CCSER1: variants seen among roughly 807,000 people sequenced by gnomAD.
CCSER1 encodes coiled-coil serine rich protein 1, also known as serine-rich coiled-coil domain-containing protein 1.
In CCSER1, 41 loss-of-function variants were observed where a neutral mutation model predicts 82.0. The ratio of observed to expected loss-of-function variants is 0.50; its 90% confidence interval spans 0.39 to 0.65. CCSER1 has a LOEUF of 0.65. Ranked by LOEUF, CCSER1 falls within the 30% of genes least tolerant of loss-of-function variation. CCSER1 has a pLI of 0.00. For missense variants in CCSER1, 1,119 were observed against 1,064.2 expected (o/e 1.05, Z -0.72); for synonymous variants, 414 against 383.9 (o/e 1.08, Z -0.92).
intron 9 of CCSER1, among the ~76,000 whole-genome samples, chr4:91,063,582 T>A (rs1372227278): frequency 6.6e-6 from 1 of 152,176 alleles, no homozygotes; most frequent in Non-Finnish European, 1.5e-5. Flanking sequence ...TTATCTTGAC[T>A]CATTTTCTTA....
chr4:90,621,954 A>G (rs1722401076), intron 5 of CCSER1, among the ~76,000 whole-genome samples: 1 of 152,214 alleles, frequency 6.6e-6, no homozygotes, highest in South Asian at 2.1e-4. Context: ...CCACAGTGGC[A>G]ATTTGTATAA....
intron 9 of CCSER1, among the ~76,000 whole-genome samples, chr4:91,023,856 G>T (rs953574192): frequency 6.6e-6 from 1 of 152,120 alleles, no homozygotes; most frequent in Non-Finnish European, 1.5e-5. Flanking sequence ...CCCACAAAAT[G>T]TTGCTGATAC....
chr4:90,754,213 CA>C (rs1191183780), intron 7 of CCSER1, among the ~76,000 whole-genome samples: 1 of 152,098 alleles, frequency 6.6e-6, no homozygotes, highest in Non-Finnish European at 1.5e-5. Context: ...ACTTATTCAT[CA>C]ATGTATCTTT....
At chr4:90,633,205 C>T (rs1170278677) in intron 6 of CCSER1, among the ~76,000 whole-genome samples, 1 of 152,020 alleles carries the variant, frequency 6.6e-6, no homozygotes, top group East Asian at 1.9e-4. Flanking sequence ...AAATGGATTT[C>T]ATTCTGTTTC....
At chr4:91,329,482 G>T (rs1318013385) in intron 10 of CCSER1, among the ~76,000 whole-genome samples, 3 of 152,146 alleles carry the variant, frequency 2.0e-5, no homozygotes, top group African/African-American at 7.2e-5. Context: ...AGTTTTATGG[G>T]TGTGTTAGTC....
At chr4:90,703,616 T>G (rs1336730592) in intron 6 of CCSER1, among the ~76,000 whole-genome samples, 1 of 152,150 alleles carries the variant, frequency 6.6e-6, no homozygotes, top group South Asian at 2.1e-4. Context: ...CTAAGTCTCT[T>G]TGTAGGTCTC....
At chr4:90,273,060 C>T (rs1297473297) in intron 1 of CCSER1, among the ~76,000 whole-genome samples, 1 of 151,866 alleles carries the variant, frequency 6.6e-6, no homozygotes, top group Non-Finnish European at 1.5e-5. Context: ...TCGTGTGTAG[C>T]AACATGGATG....
intron 10 of CCSER1, among the ~76,000 whole-genome samples, chr4:91,308,537 C>T (rs1745232616): frequency 6.6e-6 from 1 of 152,010 alleles, no homozygotes; most frequent in South Asian, 2.1e-4. Context: ...TGCTAAAGAA[C>T]AATGCCTGTT....
At chr4:91,211,618 A>G (rs150707665) in intron 10 of CCSER1, among the ~76,000 whole-genome samples, 183 of 152,234 alleles carry the variant, frequency 1.2e-3, no homozygotes, top group African/African-American at 4.3e-3. Flanking sequence ...GCAACATAGC[A>G]TAGTGGTTGG....
intron 5 of CCSER1, among the ~76,000 whole-genome samples, chr4:90,546,612 A>T (rs1048342862): frequency 6.6e-6 from 1 of 152,156 alleles, no homozygotes; most frequent in African/African-American, 2.4e-5. Context: ...TTCCTTATTT[A>T]TGACAAAATT....
At chr4:90,984,696 C>G (rs1172474520) in intron 9 of CCSER1, among the ~76,000 whole-genome samples, 1 of 151,598 alleles carries the variant, frequency 6.6e-6, no homozygotes, top group African/African-American at 2.4e-5. Context: ...ATACTAAGCA[C>G]TAGTTATTAA....
At chr4:90,430,851 A>C (rs1758176884) in intron 4 of CCSER1, among the ~76,000 whole-genome samples, 1 of 151,992 alleles carries the variant, frequency 6.6e-6, no homozygotes, top group Admixed American at 6.6e-5. Context: ...ATCTTTCTGT[A>C]ATGCTGGCTT....
rs140885037 is a variant in CCSER1 at position 90,971,401 on chromosome 4, C to A, written c.2172+47954C>A. On this transcript the variant is annotated intron_variant, in intron 9 of 10. Transcript: ENST00000509176. ...ACAAGAATAGCAAGGGAGAAATCCACCCCCATGGTCCAATCATCTTCCACC... is the reference window on the plus strand; with the variant it reads ...ACAAGAATAGCAAGGGAGAAATCCAACCCCATGGTCCAATCATCTTCCACC... 1.4e-3 allele frequency among the ~76,000 whole-genome samples: 220 copies of A among 152,004 alleles called. 1 individual carries two copies. Among genetic ancestry groups the A allele is most frequent in the Admixed American group, 7.3e-3 (111 of 15,242 alleles).
chr4:91,548,512 T>G (rs542060444), intron 10 of CCSER1, among the ~76,000 whole-genome samples: 22 of 152,282 alleles, frequency 1.4e-4, no homozygotes, highest in African/African-American at 5.3e-4. Flanking sequence ...TTTGGGCAAC[T>G]TATTTTAACA....
chr4:91,409,529 AAAGT>A (rs1364582709), intron 10 of CCSER1, among the ~76,000 whole-genome samples: 1 of 152,154 alleles, frequency 6.6e-6, no homozygotes, highest in Non-Finnish European at 1.5e-5. Context: ...AAAATTTTCA[AAAGT>A]AATTTCAAAA....
At chr4:90,528,334 T>C (rs973894732) in intron 5 of CCSER1, among the ~76,000 whole-genome samples, 6 of 152,188 alleles carry the variant, frequency 3.9e-5, no homozygotes, top group African/African-American at 9.6e-5. Context: ...TATTCAGTAA[T>C]TGGCACCAAC....
intron 4 of CCSER1, among the ~76,000 whole-genome samples, chr4:90,464,379 C>T (rs373502969): frequency 5.3e-5 from 8 of 152,290 alleles, no homozygotes; most frequent in Non-Finnish European, 7.3e-5. Context: ...AATTAAACAT[C>T]GGTTTCTCAG....
At chr4:91,550,572 G>A (rs2110222195) in intron 10 of CCSER1, among the ~76,000 whole-genome samples, 1 of 152,272 alleles carries the variant, frequency 6.6e-6, no homozygotes, top group Non-Finnish European at 1.5e-5. Flanking sequence ...TTGTTAGAAT[G>A]GAGTGGCTAT....
intron 7 of CCSER1, among the ~76,000 whole-genome samples, chr4:90,737,825 A>C (rs985139170): frequency 6.6e-6 from 1 of 152,160 alleles, no homozygotes; most frequent in Non-Finnish European, 1.5e-5. Context: ...ATTTTCAAAT[A>C]GCCTGTCTTC....
Sources: gnomAD v4.1 joint callset for allele counts (sites outside exome capture counted in the v4.1 genomes callset) on GRCh38, gnomAD v4.1.1 for gene constraint, MANE v1.5 for transcripts, NCBI Gene and HGNC (gene_info 2026-07-23, HGNC 2026-07-21) for gene names.